CCSER1: variants seen among roughly 807,000 people sequenced by gnomAD.
CCSER1 encodes the protein coiled-coil serine rich protein 1.
A neutral mutation model predicts 82.0 loss-of-function variants in CCSER1; 41 were observed. The ratio of observed to expected loss-of-function variants is 0.50; its 90% CI spans 0.39 to 0.65. The LOEUF is 0.65. CCSER1 is among the 30% of genes least tolerant of loss of function. The probability of loss-of-function intolerance (pLI) is 0.00; values close to 1 mark genes in which losing one functional copy is unlikely to be tolerated. For missense variants in CCSER1, 1,119 were observed against 1,064.2 expected (o/e 1.05, Z -0.72); for synonymous variants, 414 against 383.9 (o/e 1.08, Z -0.92).
chr4:90,281,602 T>C (rs952032904), intron 1 of CCSER1, among the ~76,000 whole-genome samples: 4 of 152,034 alleles, frequency 2.6e-5, no homozygotes, highest in African/African-American at 4.8e-5. Context: ...GTTCATTGCT[T>C]AATAAGAAAA....
intron 4 of CCSER1, among the ~76,000 whole-genome samples, chr4:90,442,607 A>G (rs1195008762): frequency 1.3e-5 from 2 of 152,164 alleles, no homozygotes; most frequent in African/African-American, 2.4e-5. Flanking sequence ...TTTGTCATCT[A>G]ATAGTTAAGA....
chr4:90,536,342 C>T (rs1560679720), intron 5 of CCSER1, among the ~76,000 whole-genome samples: 1 of 152,134 alleles, frequency 6.6e-6, no homozygotes, highest in African/African-American at 2.4e-5. Context: ...CCTAATATTC[C>T]ATTTTTATGA....
chr4:91,383,277 A>G (rs1431988999), intron 10 of CCSER1, among the ~76,000 whole-genome samples: 3 of 152,066 alleles, frequency 2.0e-5, no homozygotes, highest in Non-Finnish European at 4.4e-5. Flanking sequence ...TTTTAAAGAC[A>G]TTTTCTTAAT....
rs1005243316 is a variant in CCSER1 at position 91,382,937 on chromosome 4, G to A, written c.2218-215635G>A. ...GATTAAGTTAGCATCCATCAATATC[G>A]AGGCAGGACTGTCCACCAGAAAAAA... On this transcript the variant is annotated intron_variant, in intron 10 of 10. Coordinates refer to ENST00000509176, the MANE Select transcript of CCSER1 (RefSeq NM_001145065.2). 2.6e-5 allele frequency among the ~76,000 whole-genome samples: 4 copies of A among 151,734 alleles called. No homozygotes were observed. In the South Asian group the frequency reaches 8.3e-4, roughly 31 times the overall value.
rs368111669 is a variant in CCSER1 at position 90,628,051 on chromosome 4, A to T, written c.1751A>T (p.Asp584Val). The T allele has an allele frequency of 6.2e-7, 1 of 1,613,262 alleles. No homozygotes were observed. Among genetic ancestry groups the T allele is most frequent in the Non-Finnish European group, 8.5e-7 (1 of 1,179,576 alleles). The change falls in exon 6 of 11, where the codon GAC (aspartate) becomes GTC (valine). Residue 584 changes from aspartate to valine, a missense_variant. Coordinates refer to ENST00000509176, the MANE Select transcript of CCSER1 (RefSeq NM_001145065.2). ...KQNLSLKLTKDVDQEARCSHI... is the reference protein window; with the variant it reads ...KQNLSLKLTKVVDQEARCSHI... ...AATCTTTCCCTGAAATTAACAAAGGACGTTGATCAAGAAGCCAGGTGTTCC... is the reference window on the plus strand; with the variant it reads ...AATCTTTCCCTGAAATTAACAAAGGTCGTTGATCAAGAAGCCAGGTGTTCC...
At chr4:90,528,001 T>G (rs1390505968) in intron 5 of CCSER1, among the ~76,000 whole-genome samples, 1 of 152,134 alleles carries the variant, frequency 6.6e-6, no homozygotes, top group Non-Finnish European at 1.5e-5. Context: ...AGTATCAGTA[T>G]TTGACAGAGA....
intron 4 of CCSER1, among the ~76,000 whole-genome samples, chr4:90,409,545 A>G (rs1186227619): frequency 6.6e-6 from 1 of 152,210 alleles, no homozygotes; most frequent in African/African-American, 2.4e-5. Flanking sequence ...TCATAAGTGA[A>G]GGAGAAATAA....
chr4:90,580,787 A>G (rs1380417782), intron 5 of CCSER1, among the ~76,000 whole-genome samples: 2 of 152,212 alleles, frequency 1.3e-5, no homozygotes, highest in South Asian at 2.1e-4. Flanking sequence ...TTGTTCTTCT[A>G]TGATAACACT....
intron 1 of CCSER1, among the ~76,000 whole-genome samples, chr4:90,148,032 A>C (rs1226327076): frequency 6.6e-6 from 1 of 152,052 alleles, no homozygotes; most frequent in Non-Finnish European, 1.5e-5. Flanking sequence ...GGGCATGGTA[A>C]CGCTTGCTTG....
chr4:91,569,047 G>T (rs1026504648), intron 10 of CCSER1, among the ~76,000 whole-genome samples: 1 of 152,192 alleles, frequency 6.6e-6, no homozygotes, highest in African/African-American at 2.4e-5. Flanking sequence ...CCAGGCCAAG[G>T]CTTTATGTAG....
intron 1 of CCSER1, among the ~76,000 whole-genome samples, chr4:90,169,347 A>T (rs1308436600): frequency 6.6e-6 from 1 of 152,128 alleles, no homozygotes; most frequent in African/African-American, 2.4e-5. Context: ...ACTTTGCTGA[A>T]GTTGCCTATC....
intron 5 of CCSER1, among the ~76,000 whole-genome samples, chr4:90,575,630 C>T (rs775809705): frequency 2.0e-4 from 31 of 152,150 alleles, no homozygotes; most frequent in Non-Finnish European, 3.8e-4. Flanking sequence ...GTTACACAAG[C>T]CTCTATGTAT....
At chr4:90,847,468 G>A (rs576043055) in intron 8 of CCSER1, among the ~76,000 whole-genome samples, 1 of 152,074 alleles carries the variant, frequency 6.6e-6, no homozygotes, top group Non-Finnish European at 1.5e-5. Context: ...ATGAAGTCCA[G>A]AACTTTTATG....
intron 8 of CCSER1, among the ~76,000 whole-genome samples, chr4:90,891,953 C>T (rs1013205900): frequency 6.6e-6 from 1 of 152,054 alleles, no homozygotes; most frequent in Non-Finnish European, 1.5e-5. Flanking sequence ...GTAGTCTACA[C>T]TGCTAAACCA....
At position 90,257,071 on chromosome 4, in the gene CCSER1, G is replaced by A. The variant is rs192047601; in HGVS notation, c.-41-51173G>A. Among the ~76,000 whole-genome samples the A allele has an allele frequency of 2.0e-3, 307 of 151,966 alleles. 2 individuals carry two copies. The highest frequency in any genetic ancestry group is 6.6e-3 in the African/African-American group (275 of 41,462). On this transcript the variant is annotated intron_variant, in intron 1 of 10. Transcript: ENST00000509176. ...AAGATATGCCTGATGGGTAAGAGAG[G>A]GATTGCTATATTCACTGTTATGGAA...
At chr4:90,160,032 C>T (rs1180933478) in intron 1 of CCSER1, among the ~76,000 whole-genome samples, 1 of 152,268 alleles carries the variant, frequency 6.6e-6, no homozygotes, top group Non-Finnish European at 1.5e-5. Context: ...TGGTGTTATT[C>T]TCATTTTACA....
chr4:90,434,919 A>T (rs1397571145), intron 4 of CCSER1, among the ~76,000 whole-genome samples: 1 of 152,110 alleles, frequency 6.6e-6, no homozygotes, highest in Non-Finnish European at 1.5e-5. Flanking sequence ...TCATTTTCAT[A>T]TCGGACAACA....
At chr4:91,446,209 A>G (rs1377980589) in intron 10 of CCSER1, among the ~76,000 whole-genome samples, 2 of 48,888 alleles carry the variant, frequency 4.1e-5, no homozygotes, top group Non-Finnish European at 8.0e-5. Flanking sequence ...TATTCCTCAT[A>G]CTTTTTTGCC....
chr4:91,295,241 T>C lies in CCSER1; in HGVS notation c.2217+209247T>C, dbSNP rs183803587. 3.0e-3 allele frequency among the ~76,000 whole-genome samples: 452 copies of C among 152,114 alleles called. 1 individual carries two copies. The highest frequency in any genetic ancestry group is 0.01 in the African/African-American group (421 of 41,568). On this transcript the variant is annotated intron_variant, in intron 10 of 10. Coordinates refer to ENST00000509176, the MANE Select transcript of CCSER1 (RefSeq NM_001145065.2). ...TCTGTATTGTTTATAATTTTGAAAA[T>C]GGCAAAATGAAATAATTCAAGTAAA...
Sources: allele counts gnomAD v4.1 joint callset (sites outside exome capture counted in the v4.1 genomes callset), GRCh38; gene constraint gnomAD v4.1.1; transcripts MANE v1.5; gene names NCBI Gene and HGNC (gene_info 2026-07-23, HGNC 2026-07-21).